The following RNF43 variants were observed in gnomAD, a reference collection of about 807,000 sequenced individuals.
The protein encoded by RNF43 is E3 ubiquitin-protein ligase RNF43.
In RNF43, 37 loss-of-function variants were observed where a neutral mutation model predicts 78.4. That is an observed-to-expected ratio of 0.47 (90% confidence interval 0.36 to 0.62). RNF43 has a LOEUF of 0.62. RNF43 is among the 20% of genes least tolerant of loss of function. The pLI is 0.00. For missense variants in RNF43, 774 were observed against 1,007.9 expected, an observed-to-expected ratio of 0.77 and a Z score of 3.14; for synonymous variants, 347 against 395.0, an observed-to-expected ratio of 0.88 and a Z score of 1.44.
At chr17:58,399,954 A>T (rs187387865) in intron 2 of RNF43, among the ~76,000 whole-genome samples, 7 of 152,172 alleles carry the variant, frequency 4.6e-5, no homozygotes, top group South Asian at 2.1e-4. Context: ...GCAGCAATTT[A>T]AAAAAATACT....
At chr17:58,366,436 G>A (rs1256988648) in intron 3 of RNF43, among the ~76,000 whole-genome samples, 1 of 152,228 alleles carries the variant, frequency 6.6e-6, no homozygotes, top group Non-Finnish European at 1.5e-5. Flanking sequence ...ACCCTCTGGA[G>A]GCATGCCCCC....
At chr17:58,386,152 G>T (rs554692649) in intron 2 of RNF43, among the ~76,000 whole-genome samples, 3 of 151,602 alleles carry the variant, frequency 2.0e-5, no homozygotes, top group African/African-American at 7.2e-5. Flanking sequence ...ATGCAGCCGG[G>T]CGTGGTGGCT....
intron 2 of RNF43, among the ~76,000 whole-genome samples, chr17:58,396,006 T>C (rs1157820805): frequency 1.3e-5 from 2 of 152,188 alleles, no homozygotes; most frequent in Non-Finnish European, 2.9e-5. Context: ...CCTGTTAATG[T>C]AGCCTGCAGA....
At chr17:58,382,382 TG>T (rs1262092169) in intron 2 of RNF43, among the ~76,000 whole-genome samples, 2 of 152,222 alleles carry the variant, frequency 1.3e-5, no homozygotes, top group Non-Finnish European at 2.9e-5. Flanking sequence ...ATTTGGTGGT[TG>T]CTCTGTCATT....
chr17:58,387,812 T>C (rs941922775), intron 2 of RNF43, among the ~76,000 whole-genome samples: 10 of 152,230 alleles, frequency 6.6e-5, no homozygotes, highest in African/African-American at 2.4e-4. Flanking sequence ...ACTATCTTAC[T>C]CTGGCTTTCA....
chr17:58,404,037 A>G (rs1240927268), intron 2 of RNF43, among the ~76,000 whole-genome samples: 1 of 152,246 alleles, frequency 6.6e-6, no homozygotes, highest in Non-Finnish European at 1.5e-5. Flanking sequence ...TACTACAGAT[A>G]TTTTAAAATA....
Position 58,409,456 on chromosome 17 carries a change from T to C in RNF43, c.252+5870A>G, listed in dbSNP as rs113260949. ...AAAGGGATAAAAGGGAAAAAAACAT[T>C]TAAAAAATCCAATAAACTCTTTCCA... On this transcript the variant is annotated intron_variant, in intron 2 of 9. Coordinates refer to ENST00000407977, the MANE Select transcript of RNF43 (RefSeq NM_017763.6). Among the ~76,000 whole-genome samples the C allele has an allele frequency of 2.4e-3, 367 of 152,254 alleles. 6 individuals are homozygous for C. Among genetic ancestry groups the C allele is most frequent in the African/African-American group, 8.4e-3 (349 of 41,550 alleles).
intron 3 of RNF43, among the ~76,000 whole-genome samples, chr17:58,364,140 C>T (rs1385170992): frequency 6.6e-6 from 1 of 152,216 alleles, no homozygotes; most frequent in Non-Finnish European, 1.5e-5. Flanking sequence ...GCCACTCTCA[C>T]GCAAGGCCAC....
intron 2 of RNF43, among the ~76,000 whole-genome samples, chr17:58,374,911 C>T (rs1170932274): frequency 6.6e-6 from 1 of 152,134 alleles, no homozygotes; most frequent in East Asian, 1.9e-4. Context: ...AAAACTGCTC[C>T]TCCAGTGTTT....
chr17:58,405,210 T>C lies in RNF43; in HGVS notation c.252+10116A>G, dbSNP rs1357710824. Among the ~76,000 whole-genome samples the C allele has an allele frequency of 2.0e-5, 3 of 151,258 alleles. No homozygotes were observed. The East Asian group carries it at 5.9e-4, about 30-fold the overall frequency. On this transcript the variant is annotated intron_variant, in intron 2 of 9. Transcript: ENST00000407977. ...CTCCTGCCTCAGCCTCCCGAGTAGCTGGGACTACAGGTGCATGCCGCCATG... is the reference window on the plus strand; with the variant it reads ...CTCCTGCCTCAGCCTCCCGAGTAGCCGGGACTACAGGTGCATGCCGCCATG...
At chr17:58,367,072 C>T (rs1469787766) in intron 3 of RNF43, among the ~76,000 whole-genome samples, 9 of 146,088 alleles carry the variant, frequency 6.2e-5, no homozygotes, top group Non-Finnish European at 1.3e-4. Flanking sequence ...GTGATCTCGG[C>T]TCACTGCAAC....
In RNF43 at chr17:58,358,806, G is replaced by T. The variant is rs111856468; in HGVS notation, c.970C>A (p.Gln324Lys). 194 of 1,513,690 alleles carry T rather than the reference G, an allele frequency of 1.3e-4. 2 individuals are homozygous for T. In the African/African-American group the frequency reaches 2.5e-3, roughly 19 times the overall value. 93.8% of individuals were successfully genotyped at this position (1,513,690 alleles called of 1,614,324 possible). ...FNITEGDSFS[Q>K]SLGPSRSYQE... Reference sequence around the variant, plus strand: ...TAAGATCGAGAGGGTCCCAGGGACTGGGAAAATGAATCTCCCTCTGGAAAA... The same window carrying T: ...TAAGATCGAGAGGGTCCCAGGGACTTGGAAAATGAATCTCCCTCTGGAAAA... Residue 324 changes from glutamine to lysine, a missense_variant, in exon 9 of 10, where the codon CAG becomes AAG. By Grantham distance (53) the Gln-to-Lys change is moderately conservative (BLOSUM62 1). Coordinates refer to ENST00000407977, the MANE Select transcript of RNF43 (RefSeq NM_017763.6). This position sits in a 1 kb window ranked among gnomAD's most constrained non-coding sequence, Gnocchi z 6.2.
downstream of RNF43, chr17:58,353,301 A>T (rs1972605389): frequency 4.7e-6 from 1 of 214,300 alleles, no homozygotes; most frequent in East Asian, 6.9e-5. Flanking sequence ...TCTACACTCT[A>T]TTATCTCATG....
intron 2 of RNF43, among the ~76,000 whole-genome samples, chr17:58,371,713 C>T (rs570796152): frequency 6.6e-6 from 1 of 152,210 alleles, no homozygotes; most frequent in South Asian, 2.1e-4. Context: ...TTTGACAGCT[C>T]ACCCTGGTCC....
intron 5 of RNF43, 78 bp downstream of exon 5, chr17:58,363,197 A>G (rs1972877206): frequency 6.4e-7 from 1 of 1,557,634 alleles, no homozygotes; most frequent in Non-Finnish European, 8.7e-7. Flanking sequence ...CCAGGAGTCT[A>G]AGGGCTTTTG....
At position 58,358,500 on chromosome 17, in the gene RNF43, G is replaced by C. The variant is rs1972753390; in HGVS notation, c.1276C>G (p.Gln426Glu). 6.2e-7 allele frequency: 1 copy of C among 1,613,746 alleles called. No homozygotes were observed. The highest frequency in any genetic ancestry group is 8.5e-7 in the Non-Finnish European group (1 of 1,179,786). Residue 426 changes from glutamine to glutamate, a missense_variant, in exon 9 of 10, where the codon CAG (glutamine) becomes GAG (glutamate). Physicochemically the swap from Gln to Glu is conservative, Grantham distance 29. Coordinates refer to ENST00000407977, the MANE Select transcript of RNF43 (RefSeq NM_017763.6). This position sits in a 1 kb window ranked among gnomAD's most constrained non-coding sequence, Gnocchi z 6.2. ...WGLSHLQSTSQHPAACPVPLR... is the reference protein window; with the variant it reads ...WGLSHLQSTSEHPAACPVPLR... The stretch of plus-strand genomic sequence containing the variant: ...GGCACTGGGCAAGCAGCAGGGTGCT[G>C]TGAGGTGGATTGGAGGTGGCTCAGT...
Position 58,357,443 on chromosome 17 carries a change from C to A in RNF43, c.2308+25G>T, listed in dbSNP as rs766430982. On this transcript the variant is annotated intron_variant, in intron 9 of 9. Coordinates refer to ENST00000407977, the MANE Select transcript of RNF43 (RefSeq NM_017763.6). This position sits in a 1 kb window ranked among gnomAD's most constrained non-coding sequence, Gnocchi z 4.5. ...CAGCTGTAGTCTCCTCTCCCTACCA[C>A]ACCCACTTCCCTCTGAAAACTCACC... The A allele has an allele frequency of 1.9e-5, 30 of 1,614,088 alleles. No homozygotes were observed. The highest frequency in any genetic ancestry group is 2.3e-5 in the Non-Finnish European group (27 of 1,180,006).
chr17:58,405,712 A>G (rs903366557), intron 2 of RNF43, among the ~76,000 whole-genome samples: 2 of 137,588 alleles, frequency 1.5e-5, no homozygotes, highest in Non-Finnish European at 3.1e-5. Flanking sequence ...GAAAGAAAGA[A>G]AGAAAGAAAG....
In RNF43 at chr17:58,362,224, AGTCTGTTTATT is replaced by A. The variant is rs535769982; in HGVS notation, c.687+309_687+319del. Among the ~76,000 whole-genome samples the A allele has an allele frequency of 4.6e-5, 7 of 152,120 alleles. No homozygotes were observed. The East Asian group carries it at 1.4e-3, about 29-fold the overall frequency. ...AAAACATTATAGATTTTACTTATTT[AGTCTGTTTATT>A]GTCTGTTTTTTCCCTCTAGAATAAA... On this transcript the variant is annotated intron_variant, in intron 6 of 9. Coordinates refer to ENST00000407977, the MANE Select transcript of RNF43 (RefSeq NM_017763.6).
Sources: allele counts gnomAD v4.1 joint callset (sites outside exome capture counted in the v4.1 genomes callset), GRCh38; gene constraint gnomAD v4.1.1; non-coding constraint Gnocchi (gnomAD v3.1); transcripts MANE v1.5; gene names NCBI Gene and HGNC (gene_info 2026-07-23, HGNC 2026-07-21).